SVEP1: variants seen among roughly 807,000 people sequenced by gnomAD.
The protein encoded by SVEP1 is sushi, von Willebrand factor type A, EGF and pentraxin domain-containing protein 1.
In SVEP1, 164 loss-of-function variants were observed where a neutral mutation model predicts 367.3. The observed-to-expected ratio is 0.45, with a 90% CI of 0.39 to 0.51. The LOEUF (loss-of-function observed/expected upper bound fraction) is 0.51, where lower values mean the gene tolerates loss of function less well. Ranked by LOEUF, SVEP1 falls within the 20% of genes least tolerant of loss-of-function variation. The probability of loss-of-function intolerance (pLI) is 0.00; values close to 1 mark genes in which losing one functional copy is unlikely to be tolerated. For missense variants in SVEP1, 4,117 were observed against 4,425.3 expected (o/e 0.93, Z 1.98); for synonymous variants, 1,666 against 1,611.6 (o/e 1.03, Z -0.81).
At chr9:110,389,227 A>AC (rs1175712475) in intron 41 of SVEP1, among the ~76,000 whole-genome samples, 75 of 144,318 alleles carry the variant, frequency 5.2e-4, no homozygotes, top group African/African-American at 1.6e-3. Context: ...TATTTGAGAA[A>AC]ACCCCCCCAA....
intron 47 of SVEP1, 122 bp from the exon 48 acceptor site, chr9:110,366,682 G>T: frequency 1.1e-6 from 1 of 936,618 alleles, no homozygotes; most frequent in Non-Finnish European, 1.5e-6. Context: ...GGCATTATCT[G>T]TGATGTTTAT....
At chr9:110,455,769 C>A (rs972402391) in intron 21 of SVEP1, 66 bp from the exon 22 acceptor site, 4 of 1,267,102 alleles carry the variant, frequency 3.2e-6, no homozygotes, top group South Asian at 3.3e-5. Context: ...GAACTATGAT[C>A]ATTTAAAGGT....
chr9:110,555,057 T>A (rs544621340), intron 1 of SVEP1, among the ~76,000 whole-genome samples: 1 of 152,294 alleles, frequency 6.6e-6, no homozygotes, highest in Admixed American at 6.5e-5. Context: ...AAACTTGCTT[T>A]CTGTCTGAGT....
intron 3 of SVEP1, among the ~76,000 whole-genome samples, chr9:110,533,863 A>C (rs1033380771): frequency 6.6e-6 from 1 of 152,222 alleles, no homozygotes; most frequent in African/African-American, 2.4e-5. Flanking sequence ...ACAATTTAGA[A>C]GCAACTGTTT....
In SVEP1 at chr9:110,404,407, C is replaced by T. The variant is rs267602083; in HGVS notation, c.9586G>A (p.Asp3196Asn). The change falls in exon 39 of 48, where the codon GAT (aspartate) becomes AAT (asparagine). Residue 3196 changes from aspartate (D) to asparagine (N), a missense_variant. Transcript: ENST00000374469. ...GAAACTTGCCTATTCACACTGAAAT[C>T]GTCCCCATGTACAAGTATATGTGTT... Reference protein sequence around the residue: ...NITHILVHGDDFSVNRQVSVS... With the variant: ...NITHILVHGDNFSVNRQVSVS... The T allele has an allele frequency of 1.1e-5, 17 of 1,613,866 alleles. No individual in the cohort carries two copies. Among genetic ancestry groups the T allele is most frequent in the African/African-American group, 2.7e-5 (2 of 74,924 alleles).
chr9:110,441,870 C>T (rs1828514476), intron 27 of SVEP1, among the ~76,000 whole-genome samples: 1 of 152,184 alleles, frequency 6.6e-6, no homozygotes, highest in South Asian at 2.1e-4. Flanking sequence ...TCTCCCCCAT[C>T]CATCTTAAAA....
chr9:110,429,527 G>A (rs1828317434), intron 34 of SVEP1, among the ~76,000 whole-genome samples, 193 bp from the exon 35 acceptor site: 1 of 151,814 alleles, frequency 6.6e-6, no homozygotes, highest in African/African-American at 2.4e-5. Context: ...CCATAGGGAA[G>A]TAGGATAGAT....
At chr9:110,388,539 C>T (rs900457709) in intron 41 of SVEP1, among the ~76,000 whole-genome samples, 2 of 152,126 alleles carry the variant, frequency 1.3e-5, no homozygotes, top group Non-Finnish European at 2.9e-5. Context: ...ATTCCCCAAA[C>T]AATTCAAATG....
intron 1 of SVEP1, 113 bp from the exon 2 acceptor site, chr9:110,550,217 G>A (rs1195609154): frequency 2.2e-6 from 3 of 1,383,486 alleles, no homozygotes; most frequent in South Asian, 1.3e-5. Flanking sequence ...ACAGGCATGA[G>A]GGATGGAAGC....
chr9:110,369,709 A>C, intron 47 of SVEP1: 1 of 535,382 alleles, frequency 1.9e-6, no homozygotes, highest in Non-Finnish European at 3.3e-6. Context: ...AAGACTGCTT[A>C]TTTTTGAGAT....
intron 5 of SVEP1, among the ~76,000 whole-genome samples, chr9:110,503,894 C>T (rs529278434): frequency 6.6e-6 from 1 of 152,260 alleles, no homozygotes; most frequent in South Asian, 2.1e-4. Flanking sequence ...TAGCCATTCT[C>T]ACCAGTTTTA....
chr9:110,528,154 G>GTATATA (rs1265572366), intron 3 of SVEP1, among the ~76,000 whole-genome samples: 807 of 25,528 alleles, frequency 0.032, 3 homozygotes, highest in Non-Finnish European at 0.066. Context: ...GTGTGTGTGT[G>GTATATA]TGTATATATA....
intron 25 of SVEP1, among the ~76,000 whole-genome samples, chr9:110,446,422 G>A (rs533485698): frequency 1.3e-5 from 2 of 152,198 alleles, no homozygotes; most frequent in Non-Finnish European, 2.9e-5. Flanking sequence ...AGGGCAACAT[G>A]CTGCCCTACT....
Position 110,404,542 on chromosome 9 carries a change from C to T in SVEP1, c.9451G>A (p.Gly3151Ser). 6.2e-7 allele frequency: 1 copy of T among 1,613,942 alleles called. No individual in the cohort carries two copies. Among genetic ancestry groups the T allele is most frequent in the Non-Finnish European group, 8.5e-7 (1 of 1,179,844 alleles). ...TCTGTATCTGTATCCATCGTATAAC[C>T]TTCCAGACATCTGCAATGGAAATGC... ...ESEVKLRCLE[G>S]YTMDTDTDTF... is the part of the protein sequence containing the mutation. Residue 3151 changes from glycine to serine, a missense_variant, in exon 39 of 48, where the codon GGT becomes AGT. Physicochemically the swap from Gly to Ser is moderately conservative, Grantham distance 56. Transcript: ENST00000374469.
intron 5 of SVEP1, among the ~76,000 whole-genome samples, chr9:110,503,805 C>A (rs998358658): frequency 6.6e-6 from 1 of 152,122 alleles, no homozygotes; most frequent in African/African-American, 2.4e-5. Context: ...AATCATAGCT[C>A]ATGATACGAA....
chr9:110,482,572 G>C, intron 10 of SVEP1, 80 bp from the exon 11 acceptor site: 2 of 1,488,454 alleles, frequency 1.3e-6, no homozygotes, highest in Non-Finnish European at 1.8e-6. Flanking sequence ...TGTTGCCCAG[G>C]CTGGAGTGCA....
At chr9:110,396,750 G>A (rs891393960) in intron 40 of SVEP1, among the ~76,000 whole-genome samples, 19 of 152,004 alleles carry the variant, frequency 1.2e-4, no homozygotes, top group African/African-American at 4.6e-4. Flanking sequence ...TAGAAGAAAT[G>A]GATAAATTCC....
At chr9:110,372,522 C>T (rs1451852061) in intron 46 of SVEP1, among the ~76,000 whole-genome samples, 3 of 152,172 alleles carry the variant, frequency 2.0e-5, no homozygotes, top group Non-Finnish European at 4.4e-5. Context: ...AAAAGAAATG[C>T]AAATAAATCA....
chr9:110,372,988 C>A (rs1827300379), intron 46 of SVEP1, among the ~76,000 whole-genome samples: 1 of 152,162 alleles, frequency 6.6e-6, no homozygotes, highest in Non-Finnish European at 1.5e-5. Flanking sequence ...AGAAGGTCAA[C>A]TAGGCCATGA....
Sources: allele counts gnomAD v4.1 joint callset (sites outside exome capture counted in the v4.1 genomes callset), GRCh38; gene constraint gnomAD v4.1.1; transcripts MANE v1.5; gene names NCBI Gene and HGNC (gene_info 2026-07-23, HGNC 2026-07-21).